CDH12: variants seen among roughly 807,000 people sequenced by gnomAD.
CDH12 encodes cadherin-12.
A neutral mutation model predicts 74.1 loss-of-function variants in CDH12; 41 were observed. That is an observed-to-expected ratio of 0.55 (90% CI 0.43 to 0.72). CDH12 has a LOEUF of 0.72. CDH12 is among the 30% of genes least tolerant of loss of function. CDH12 has a pLI of 0.00. For missense variants in CDH12, 945 were observed against 977.2 expected (o/e 0.97, Z 0.44); for synonymous variants, 399 against 355.0 (o/e 1.12, Z -1.39).
chr5:21,832,020 AT>A (rs1296425465), intron 8 of CDH12, among the ~76,000 whole-genome samples: 4 of 151,240 alleles, frequency 2.6e-5, no homozygotes, highest in Non-Finnish European at 5.9e-5. Context: ...CTTTAACATT[AT>A]TTTTTATAAC....
At chr5:21,755,953 T>G (rs1744372681) in intron 13 of CDH12, 111 bp from the exon 14 acceptor site, 10 of 1,004,026 alleles carry the variant, frequency 1.0e-5, no homozygotes, top group Non-Finnish European at 1.5e-5. Flanking sequence ...GAAAATGGAT[T>G]CTTATTTTTT....
At chr5:22,492,592 A>G (rs1187718787) in intron 2 of CDH12, among the ~76,000 whole-genome samples, 1 of 152,018 alleles carries the variant, frequency 6.6e-6, no homozygotes, top group Non-Finnish European at 1.5e-5. Flanking sequence ...GGTGATCCAC[A>G]TGCCTCAGCC....
chr5:22,482,364 T>G (rs1746416910), intron 2 of CDH12, among the ~76,000 whole-genome samples: 1 of 152,150 alleles, frequency 6.6e-6, no homozygotes, highest in Non-Finnish European at 1.5e-5. Context: ...ATTTGCTCTC[T>G]TGACTCTACC....
chr5:22,190,517 A>G (rs961113981), intron 4 of CDH12, among the ~76,000 whole-genome samples: 15 of 152,100 alleles, frequency 9.9e-5, no homozygotes, highest in Admixed American at 9.8e-4. Flanking sequence ...AATTTACCAT[A>G]TCATAAAAAC....
intron 1 of CDH12, among the ~76,000 whole-genome samples, chr5:22,627,861 C>T (rs929210300): frequency 5.3e-5 from 8 of 151,816 alleles, no homozygotes; most frequent in Admixed American, 2.6e-4. Flanking sequence ...GCAATTGACA[C>T]CCACAGGCTA....
intron 1 of CDH12, among the ~76,000 whole-genome samples, chr5:22,802,354 T>C (rs1748578331): frequency 6.6e-6 from 1 of 151,978 alleles, no homozygotes; most frequent in African/African-American, 2.4e-5. Context: ...TCTCCTGACC[T>C]TGTGATCCGC....
chr5:22,776,322 C>G (rs1747101565), intron 1 of CDH12, among the ~76,000 whole-genome samples: 2 of 152,062 alleles, frequency 1.3e-5, no homozygotes, highest in Admixed American at 1.3e-4. Flanking sequence ...ATAATTAATT[C>G]AACACGATGT....
At chr5:22,552,939 T>G (rs538105041) in intron 1 of CDH12, among the ~76,000 whole-genome samples, 4 of 152,278 alleles carry the variant, frequency 2.6e-5, no homozygotes, top group East Asian at 1.9e-4. Flanking sequence ...AAAATCTACA[T>G]GAATTAACAT....
intron 2 of CDH12, among the ~76,000 whole-genome samples, chr5:22,465,316 A>T (rs1275435216): frequency 6.6e-6 from 1 of 152,188 alleles, no homozygotes; most frequent in African/African-American, 2.4e-5. Flanking sequence ...ACTCAAAAGT[A>T]TACTCTGTGT....
At position 22,535,656 on chromosome 5, in the gene CDH12, T is replaced by C. The variant is rs550611043; in HGVS notation, c.-522-30292A>G. ...ATGTGAAATCAAATGATTTTAAAAT[T>C]AGAAATTAGAAAAGTAAGCTTTAGT... On this transcript the variant is annotated intron_variant, in intron 1 of 14. Transcript: ENST00000382254. 7.2e-4 allele frequency among the ~76,000 whole-genome samples: 109 copies of C among 152,330 alleles called. 1 individual carries two copies. The highest frequency in any genetic ancestry group is 3.5e-3 in the Admixed American group (54 of 15,294).
chr5:21,961,086 T>A (rs907660521), intron 6 of CDH12, among the ~76,000 whole-genome samples: 1 of 152,074 alleles, frequency 6.6e-6, no homozygotes, highest in African/African-American at 2.4e-5. Context: ...ATCTTCCAAA[T>A]CCTTACTAAT....
chr5:21,961,115 T>G (rs1413375933), intron 6 of CDH12, among the ~76,000 whole-genome samples: 1 of 152,146 alleles, frequency 6.6e-6, no homozygotes, highest in Non-Finnish European at 1.5e-5. Context: ...GTTCATCTAT[T>G]GTTTATTTTG....
intron 1 of CDH12, among the ~76,000 whole-genome samples, chr5:22,537,829 C>T (rs539864776): frequency 1.1e-4 from 16 of 152,308 alleles, no homozygotes; most frequent in East Asian, 1.9e-4. Context: ...TGTTTGTTTC[C>T]GCTTTCTTTT....
intron 1 of CDH12, among the ~76,000 whole-genome samples, chr5:22,505,724 G>A (rs1311424517): frequency 6.6e-6 from 1 of 151,850 alleles, no homozygotes; most frequent in Non-Finnish European, 1.5e-5. Context: ...ATGTCCCCTT[G>A]GCCTCCTCAT....
chr5:22,435,024 G>A (rs1396564680), intron 2 of CDH12, among the ~76,000 whole-genome samples: 5 of 152,154 alleles, frequency 3.3e-5, no homozygotes, highest in African/African-American at 7.2e-5. Flanking sequence ...AATAGTGAGT[G>A]TTAGCTTGAT....
At chr5:22,218,889 T>C (rs1271826810) in intron 3 of CDH12, among the ~76,000 whole-genome samples, 1 of 151,744 alleles carries the variant, frequency 6.6e-6, no homozygotes, top group African/African-American at 2.4e-5. Flanking sequence ...GCATCGAAGA[T>C]GGAATAAAAT....
At chr5:21,943,942 A>G (rs189348478) in intron 6 of CDH12, among the ~76,000 whole-genome samples, 4 of 152,290 alleles carry the variant, frequency 2.6e-5, no homozygotes, top group Admixed American at 1.3e-4. Context: ...AACATCAGTT[A>G]GTTATAAAAA....
At chr5:22,528,230 GGATTAATTCACTCTGAA>G (rs1737377493) in intron 1 of CDH12, among the ~76,000 whole-genome samples, 1 of 152,134 alleles carries the variant, frequency 6.6e-6, no homozygotes, top group Non-Finnish European at 1.5e-5. Flanking sequence ...AGCCAATTCA[GGATTAATTCACTCTGAA>G]AAGCAGAGAG....
At chr5:22,273,363 C>T (rs779148533) in intron 3 of CDH12, among the ~76,000 whole-genome samples, 4 of 152,146 alleles carry the variant, frequency 2.6e-5, no homozygotes, top group Non-Finnish European at 5.9e-5. Context: ...TGCAAGGTTG[C>T]CACAAACGTT....
Sources: allele counts gnomAD v4.1 joint callset (sites outside exome capture counted in the v4.1 genomes callset), GRCh38; gene constraint gnomAD v4.1.1; transcripts MANE v1.5; gene names NCBI Gene and HGNC (gene_info 2026-07-23, HGNC 2026-07-21).